Variants in CDH13 observed in about 807,000 individuals in gnomAD.
CDH13 encodes the protein cadherin-13.
In CDH13, 24 loss-of-function variants were observed where a neutral mutation model predicts 63.8. The observed-to-expected ratio is 0.38, with a 90% CI of 0.27 to 0.53. The LOEUF is 0.53. CDH13 is among the 20% of genes least tolerant of loss of function. The probability of loss-of-function intolerance (pLI) is 0.85; values close to 1 mark genes in which losing one functional copy is unlikely to be tolerated. For synonymous variants in CDH13, 503 were observed against 355.3 expected (o/e 1.42, Z -4.67); for missense variants, 1,049 against 903.1 (o/e 1.16, Z -2.07).
chr16:83,703,957 G>A (rs1365614973), intron 10 of CDH13, among the ~76,000 whole-genome samples: 1 of 152,084 alleles, frequency 6.6e-6, no homozygotes, highest in Non-Finnish European at 1.5e-5. Context: ...AGATAACCCT[G>A]CACATTGCAC....
At chr16:83,680,909 C>T (rs191347432) in intron 10 of CDH13, among the ~76,000 whole-genome samples, 31 of 152,046 alleles carry the variant, frequency 2.0e-4, no homozygotes, top group Non-Finnish European at 4.4e-4. Context: ...ATATCTGGCT[C>T]TGCTCTCCCC....
At chr16:82,917,504 G>A (rs2042026137) in intron 2 of CDH13, among the ~76,000 whole-genome samples, 1 of 152,116 alleles carries the variant, frequency 6.6e-6, no homozygotes, top group Non-Finnish European at 1.5e-5. Flanking sequence ...AAGAAGGAGT[G>A]GAAATGAGGG....
At chr16:83,502,020 A>T (rs1434740171) in intron 7 of CDH13, among the ~76,000 whole-genome samples, 1 of 152,176 alleles carries the variant, frequency 6.6e-6, no homozygotes, top group African/African-American at 2.4e-5. Context: ...GGCCTTGGGC[A>T]AGTCACCTCA....
Position 83,390,993 on chromosome 16 carries a change from T to C in CDH13, c.781+45987T>C, listed in dbSNP as rs111984574. On this transcript the variant is annotated intron_variant, in intron 6 of 13. Transcript: ENST00000567109. ...ATTGCTTGTCTTAGCTTTCAGAGGA[T>C]TTAATTGCTGATTCAAACCATACAA... Among the ~76,000 whole-genome samples the C allele has an allele frequency of 3.9e-5, 6 of 152,228 alleles. 1 individual carries two copies. The highest frequency in any genetic ancestry group is 1.4e-4 in the African/African-American group (6 of 41,544).
Position 83,351,961 on chromosome 16 carries a change from G to A in CDH13, c.781+6955G>A, listed in dbSNP as rs376148177. Among the ~76,000 whole-genome samples, 67 of 152,306 alleles carry A rather than the reference G, an allele frequency of 4.4e-4. 1 individual carries two copies. The highest frequency in any genetic ancestry group is 7.8e-4 in the Non-Finnish European group (53 of 68,020). ...TTGTGGTCATTTCACTAGCTGTTTTGTAGATAGTGGATGGCCTTGCTATGG... is the reference window on the plus strand; with the variant it reads ...TTGTGGTCATTTCACTAGCTGTTTTATAGATAGTGGATGGCCTTGCTATGG... On this transcript the variant is annotated intron_variant, in intron 6 of 13. Coordinates refer to ENST00000567109, the MANE Select transcript of CDH13 (RefSeq NM_001257.5).
chr16:83,667,946 G>C (rs1914148570), intron 8 of CDH13, among the ~76,000 whole-genome samples: 1 of 152,022 alleles, frequency 6.6e-6, no homozygotes, highest in Non-Finnish European at 1.5e-5. Flanking sequence ...TACAGTGTTA[G>C]AATACCATGC....
At chr16:82,897,229 A>C (rs2041301358) in intron 2 of CDH13, among the ~76,000 whole-genome samples, 1 of 152,208 alleles carries the variant, frequency 6.6e-6, no homozygotes, top group Admixed American at 6.5e-5. Context: ...CAGCATGTGG[A>C]AGCATGACCT....
At chr16:83,204,667 G>T (rs1029125269) in intron 4 of CDH13, among the ~76,000 whole-genome samples, 1 of 152,132 alleles carries the variant, frequency 6.6e-6, no homozygotes, top group Admixed American at 6.5e-5. Flanking sequence ...GCTAAATACT[G>T]TGTGTGTTAA....
At chr16:83,776,401 A>G (rs546547219) in intron 11 of CDH13, among the ~76,000 whole-genome samples, 13 of 152,356 alleles carry the variant, frequency 8.5e-5, no homozygotes, top group Non-Finnish European at 1.6e-4. Flanking sequence ...ACTTCAAAGT[A>G]ATTATGCATT....
At chr16:82,640,610 C>T (rs1234064859) in intron 1 of CDH13, among the ~76,000 whole-genome samples, 2 of 152,142 alleles carry the variant, frequency 1.3e-5, no homozygotes, top group African/African-American at 4.8e-5. Context: ...ATTTGCCAAC[C>T]ACTAATCTAA....
intron 4 of CDH13, among the ~76,000 whole-genome samples, chr16:83,142,611 C>T (rs1597407375): frequency 2.6e-5 from 4 of 152,182 alleles, no homozygotes; most frequent in African/African-American, 7.2e-5. Context: ...GAGCACTGAT[C>T]ACACCAGTGA....
intron 8 of CDH13, among the ~76,000 whole-genome samples, chr16:83,637,511 G>C (rs1911373668): frequency 1.5e-5 from 1 of 66,756 alleles, no homozygotes; most frequent in Non-Finnish European, 2.9e-5. Context: ...CAAAGAAAGG[G>C]GTGACGGATG....
At chr16:83,264,155 G>T (rs796532864) in intron 5 of CDH13, among the ~76,000 whole-genome samples, 1 of 152,114 alleles carries the variant, frequency 6.6e-6, no homozygotes, top group Non-Finnish European at 1.5e-5. Context: ...CAGACATAGG[G>T]TATAAATTGC....
intron 6 of CDH13, among the ~76,000 whole-genome samples, chr16:83,464,274 A>G (rs1428239849): frequency 1.3e-5 from 2 of 152,070 alleles, no homozygotes; most frequent in Non-Finnish European, 2.9e-5. Context: ...GCACTTTGGG[A>G]GGCCAAGGTG....
chr16:82,936,340 G>T (rs2042667069), intron 2 of CDH13, among the ~76,000 whole-genome samples: 1 of 152,100 alleles, frequency 6.6e-6, no homozygotes, highest in Admixed American at 6.6e-5. Flanking sequence ...CTTAACTCCT[G>T]TATCATCAGG....
At chr16:83,605,014 A>G (rs555821328) in intron 8 of CDH13, among the ~76,000 whole-genome samples, 1 of 152,256 alleles carries the variant, frequency 6.6e-6, no homozygotes, top group Non-Finnish European at 1.5e-5. Flanking sequence ...ATTGATTTCA[A>G]AATATCATAT....
chr16:83,727,033 C>A (rs768454493), intron 10 of CDH13, among the ~76,000 whole-genome samples: 1 of 152,158 alleles, frequency 6.6e-6, no homozygotes, highest in Admixed American at 6.5e-5. Context: ...AGATATAATT[C>A]ACATACCGTA....
At chr16:83,223,968 C>T (rs2039774134) in intron 5 of CDH13, among the ~76,000 whole-genome samples, 2 of 152,146 alleles carry the variant, frequency 1.3e-5, no homozygotes, top group Non-Finnish European at 2.9e-5. Context: ...AGTTTGTAGC[C>T]TTTTATTCCT....
intron 3 of CDH13, among the ~76,000 whole-genome samples, chr16:83,074,168 C>T (rs2032653791): frequency 6.6e-6 from 1 of 152,188 alleles, no homozygotes. Flanking sequence ...GCATCCTTCC[C>T]AGCCTCTGGT....
Sources: allele counts gnomAD v4.1 joint callset (sites outside exome capture counted in the v4.1 genomes callset), GRCh38; gene constraint gnomAD v4.1.1; transcripts MANE v1.5; gene names NCBI Gene and HGNC (gene_info 2026-07-23, HGNC 2026-07-21).